Variants in TULP4 observed in about 807,000 individuals in gnomAD.
TULP4 encodes the protein tubby-related protein 4.
In TULP4, 16 loss-of-function variants were observed where a neutral mutation model predicts 129.0. The ratio of observed to expected loss-of-function variants is 0.12; its 90% CI spans 0.08 to 0.19. TULP4 has a LOEUF of 0.19. Among genes scored for constraint, TULP4 ranks in the 10% least tolerant of loss-of-function variants. The pLI is 1.00. For synonymous variants in TULP4, 998 were observed against 854.0 expected (o/e 1.17, Z -2.94); for missense variants, 1,842 against 2,059.1 (o/e 0.89, Z 2.04).
rs1322266759 is a variant in TULP4, at chr6:158,312,527, G to C, written c.-1490G>C. ...TATTTTTCAGTGGGTTTGGTGATTT[G>C]GACGGATTAAAATTCTAGACTGAAA... On this transcript the variant is annotated 5_prime_UTR_variant, in exon 1 of 14. Transcript: ENST00000367097. 6.1e-6 allele frequency: 1 copy of C among 163,900 alleles called. No individual in the cohort carries two copies. The highest frequency in any genetic ancestry group is 1.3e-5 in the Non-Finnish European group (1 of 76,168). 10.2% of individuals were successfully genotyped at this position (163,900 alleles called of 1,614,324 possible). A position where few individuals can be genotyped will look rare whatever the true frequency, so the allele number is the denominator to read the frequency against.
chr6:158,379,976 T>C (rs534846630), intron 1 of TULP4, among the ~76,000 whole-genome samples: 1 of 152,248 alleles, frequency 6.6e-6, no homozygotes, highest in Admixed American at 6.5e-5. Context: ...AGGGCTGGGA[T>C]AGGCTGGTAG....
chr6:158,412,289 G>C (rs549910034), intron 1 of TULP4, among the ~76,000 whole-genome samples: 35 of 152,310 alleles, frequency 2.3e-4, no homozygotes, highest in African/African-American at 7.7e-4. Context: ...CTGCCGTGTT[G>C]GTTTGGTGGC....
intron 1 of TULP4, among the ~76,000 whole-genome samples, chr6:158,299,784 A>G (rs1248064374): frequency 5.9e-5 from 9 of 152,230 alleles, no homozygotes; most frequent in Non-Finnish European, 1.0e-4. Flanking sequence ...GAAAAAGCAC[A>G]TAAGCCTAAT....
intron 1 of TULP4, among the ~76,000 whole-genome samples, chr6:158,300,361 G>T (rs1779111969): frequency 6.6e-6 from 1 of 152,108 alleles, no homozygotes; most frequent in African/African-American, 2.4e-5. Context: ...ATGTCTTTAG[G>T]AACATTTAGA....
intron 1 of TULP4, among the ~76,000 whole-genome samples, chr6:158,374,996 A>T (rs968702778): frequency 3.3e-5 from 5 of 152,216 alleles, no homozygotes; most frequent in Non-Finnish European, 5.9e-5. Flanking sequence ...TAATCCCAGC[A>T]CTTTGGGAGG....
At position 158,509,231 on chromosome 6, in the gene TULP4, T is replaced by TG. The variant is rs1780676140; in HGVS notation, c.*2540dup. ...CTGGATAATTTGTAACTTTTCTAATTGGGAAAAAATTCCTATTAATCACTT... is the reference window on the plus strand; with the variant it reads ...CTGGATAATTTGTAACTTTTCTAATTGGGGAAAAAATTCCTATTAATCACTT... On this transcript the variant is annotated 3_prime_UTR_variant, in exon 14 of 14. Transcript: ENST00000367097. The TG allele has an allele frequency of 6.6e-6, 1 of 152,092 alleles. No individual in the cohort carries two copies. The highest frequency in any genetic ancestry group is 2.4e-5 in the African/African-American group (1 of 41,428). The allele number at this position is 152,092 out of a possible 1,614,324, so 9.4% of individuals were successfully genotyped here.
In TULP4 at chr6:158,464,608, C is replaced by T. The variant is rs376634433; in HGVS notation, c.1026+2879C>T. 1.8e-4 allele frequency among the ~76,000 whole-genome samples: 28 copies of T among 152,306 alleles called. 2 individuals are homozygous for T. The highest frequency in any genetic ancestry group is 6.3e-4 in the African/African-American group (26 of 41,576). ...AGCAGTTCTGCTTTCACCCTGTTGA[C>T]CAGGCTGGTCTCCAACTCCTGACCT... On this transcript the variant is annotated intron_variant, in intron 6 of 13. Coordinates refer to ENST00000367097, the MANE Select transcript of TULP4 (RefSeq NM_020245.5).
intron 2 of TULP4, among the ~76,000 whole-genome samples, 176 bp from the exon 3 acceptor site, chr6:158,429,560 A>G (rs1379060254): frequency 6.6e-6 from 1 of 152,270 alleles, no homozygotes; most frequent in African/African-American, 2.4e-5. Flanking sequence ...GTTTACAGGC[A>G]TGAGGCACTG....
intron 1 of TULP4, among the ~76,000 whole-genome samples, chr6:158,388,948 T>C (rs886731271): frequency 1.3e-5 from 2 of 152,174 alleles, no homozygotes; most frequent in African/African-American, 4.8e-5. Context: ...GTGGACACAG[T>C]GATTTACTGT....
intron 5 of TULP4, among the ~76,000 whole-genome samples, chr6:158,455,055 ATTTTTTTTTT>A (rs781328845): frequency 6.0e-5 from 2 of 33,212 alleles, no homozygotes; most frequent in Admixed American, 3.5e-4. Flanking sequence ...CAAATTTAAC[ATTTTTTTTTT>A]TTTTTTTTTT....
At chr6:158,295,153 C>G (rs1487184543) in intron 1 of TULP4, among the ~76,000 whole-genome samples, 1 of 151,696 alleles carries the variant, frequency 6.6e-6, no homozygotes, top group Non-Finnish European at 1.5e-5. Context: ...TATTTTTTTC[C>G]AAATCTACTT....
rs1219403200 is a variant in TULP4 at position 158,313,285 on chromosome 6, G to T, written c.-732G>T. 3 of 387,362 alleles carry T rather than the reference G, an allele frequency of 7.7e-6. No homozygotes were observed. The East Asian group carries it at 1.1e-4, about 14-fold the overall frequency. The allele number at this position is 387,362 out of a possible 1,614,324, so 24.0% of individuals were successfully genotyped here. On this transcript the variant is annotated 5_prime_UTR_variant, in exon 1 of 14. Coordinates refer to ENST00000367097, the MANE Select transcript of TULP4 (RefSeq NM_020245.5). Reference sequence around the variant, plus strand: ...GCGTTCCCCGGGGACACAGGGCCAAGCTTTGAGGTGGAAAGTTTCTGGTTC... The same window carrying T: ...GCGTTCCCCGGGGACACAGGGCCAATCTTTGAGGTGGAAAGTTTCTGGTTC...
intron 1 of TULP4, among the ~76,000 whole-genome samples, chr6:158,295,280 G>A (rs908232705): frequency 6.6e-6 from 1 of 152,044 alleles, no homozygotes; most frequent in East Asian, 1.9e-4. Context: ...ACCTTAGCTT[G>A]AGAACTAAAA....
rs1437728023 is a variant in TULP4 at position 158,333,992 on chromosome 6, G to T, written c.252+19724G>T. On this transcript the variant is annotated intron_variant, in intron 1 of 13. Transcript: ENST00000367097. ...AATAATTTTGTAGCCTCGTCCTGTTGCTATTGCAATGAGCTCCAGTGTCGC... is the reference window on the plus strand; with the variant it reads ...AATAATTTTGTAGCCTCGTCCTGTTTCTATTGCAATGAGCTCCAGTGTCGC... Among the ~76,000 whole-genome samples the T allele has an allele frequency of 2.0e-5, 3 of 152,108 alleles. No homozygotes were observed. In the East Asian group the frequency reaches 5.8e-4, roughly 29 times the overall value.
intron 1 of TULP4, among the ~76,000 whole-genome samples, chr6:158,412,368 C>T (rs1778115700): frequency 6.6e-6 from 1 of 152,164 alleles, no homozygotes; most frequent in Non-Finnish European, 1.5e-5. Flanking sequence ...TGTGAGGCTT[C>T]CCTCAGACTC....
chr6:158,453,788 C>CG (rs1371734698), intron 5 of TULP4, among the ~76,000 whole-genome samples: 2 of 81,014 alleles, frequency 2.5e-5, no homozygotes, highest in South Asian at 4.9e-4. Context: ...GACTCTGTCT[C>CG]GGAAAAAAAA....
chr6:158,366,234 A>G (rs951423943), intron 1 of TULP4, among the ~76,000 whole-genome samples: 18 of 152,102 alleles, frequency 1.2e-4, no homozygotes, highest in African/African-American at 4.3e-4. Flanking sequence ...TTTCCCTCAC[A>G]AGCTTTGGGC....
chr6:158,388,033 C>CTGTCTT (rs1777490190), intron 1 of TULP4, among the ~76,000 whole-genome samples: 1 of 152,122 alleles, frequency 6.6e-6, no homozygotes, highest in African/African-American at 2.4e-5. Context: ...GACAGTAGAA[C>CTGTCTT]AGCTAATCAG....
intron 1 of TULP4, among the ~76,000 whole-genome samples, chr6:158,341,456 A>G (rs1780179008): frequency 1.3e-5 from 2 of 152,198 alleles, no homozygotes; most frequent in Non-Finnish European, 2.9e-5. Flanking sequence ...TTACCTAGCA[A>G]TAGGGTTGCT....
Sources: allele counts gnomAD v4.1 joint callset (sites outside exome capture counted in the v4.1 genomes callset), GRCh38; gene constraint gnomAD v4.1.1; transcripts MANE v1.5; gene names NCBI Gene and HGNC (gene_info 2026-07-23, HGNC 2026-07-21).